The following ZNF804B variants were observed in gnomAD, a reference collection of about 807,000 sequenced individuals.
ZNF804B encodes zinc finger 804B.
A neutral mutation model predicts 101.4 loss-of-function variants in ZNF804B; 80 were observed. The ratio of observed to expected loss-of-function variants is 0.79; its 90% confidence interval spans 0.66 to 0.95. The LOEUF is 0.95. Among genes scored for constraint, ZNF804B ranks in the 40% least tolerant of loss-of-function variants. The pLI is 0.00. For missense variants in ZNF804B, 1,673 were observed against 1,561.9 expected, an observed-to-expected ratio of 1.07 and a Z score of -1.20; for synonymous variants, 622 against 558.8, an observed-to-expected ratio of 1.11 and a Z score of -1.59.
chr7:89,065,796 T>G (rs2116288762), intron 1 of ZNF804B, among the ~76,000 whole-genome samples: 1 of 152,218 alleles, frequency 6.6e-6, no homozygotes, highest in South Asian at 2.1e-4. Flanking sequence ...AACCTTTTAC[T>G]TCCATCTTCG....
intron 1 of ZNF804B, among the ~76,000 whole-genome samples, chr7:88,834,596 A>G (rs757956786): frequency 1.5e-4 from 22 of 151,682 alleles, no homozygotes; most frequent in Non-Finnish European, 2.8e-4. Flanking sequence ...GATTGGCGTG[A>G]TGGTATTATG....
At chr7:89,256,743 G>T (rs1789637124) in intron 2 of ZNF804B, among the ~76,000 whole-genome samples, 1 of 152,072 alleles carries the variant, frequency 6.6e-6, no homozygotes, top group African/African-American at 2.4e-5. Flanking sequence ...CTTGCTCATA[G>T]GTGGAAAAAT....
intron 2 of ZNF804B, among the ~76,000 whole-genome samples, chr7:89,317,779 A>C (rs38953): frequency 0.29 from 44,690 of 152,034 alleles, 8,029 homozygotes; most frequent in East Asian, 0.7. Context: ...CACCAGAACA[A>C]CCCAAAACTC....
intron 1 of ZNF804B, among the ~76,000 whole-genome samples, chr7:89,087,299 G>T (rs1254054024): frequency 6.6e-6 from 1 of 151,562 alleles, no homozygotes; most frequent in Non-Finnish European, 1.5e-5. Flanking sequence ...CAAAATGGTT[G>T]TGTGACTCTA....
intron 1 of ZNF804B, among the ~76,000 whole-genome samples, chr7:89,095,229 T>G (rs1426251082): frequency 6.6e-6 from 1 of 152,156 alleles, no homozygotes; most frequent in African/African-American, 2.4e-5. Context: ...TTCCACCGTG[T>G]GAGGACACAG....
chr7:89,218,908 G>A (rs190387200), intron 2 of ZNF804B, among the ~76,000 whole-genome samples: 39 of 152,224 alleles, frequency 2.6e-4, no homozygotes, highest in Non-Finnish European at 4.7e-4. Flanking sequence ...AGAGAAAGAG[G>A]AGGAGTTGGT....
chr7:89,217,239 G>A (rs1373770770), intron 1 of ZNF804B, among the ~76,000 whole-genome samples: 1 of 152,204 alleles, frequency 6.6e-6, no homozygotes, highest in African/African-American at 2.4e-5. Flanking sequence ...AAGGTAAGAA[G>A]TTTTTCTGGT....
intron 1 of ZNF804B, among the ~76,000 whole-genome samples, chr7:88,844,827 CA>C (rs1456992307): frequency 9.2e-5 from 14 of 152,164 alleles, no homozygotes; most frequent in African/African-American, 3.4e-4. Context: ...TGGTTTAACA[CA>C]TAATTTTGAG....
intron 2 of ZNF804B, among the ~76,000 whole-genome samples, chr7:89,239,973 A>T (rs1022529469): frequency 6.6e-6 from 1 of 151,852 alleles, no homozygotes; most frequent in East Asian, 1.9e-4. Flanking sequence ...ATGGTATCTA[A>T]CTTCTCAATT....
chr7:88,776,555 G>GTTTTTTTGTT (rs10630362), intron 1 of ZNF804B, among the ~76,000 whole-genome samples: 1 of 106,456 alleles, frequency 9.4e-6, no homozygotes, highest in African/African-American at 3.3e-5. Context: ...TTCTCGTGGT[G>GTTTTTTTGTT]TTTTGTTTTT....
chr7:89,156,032 CTTTCTTTCTTTCTTTCTT>C (rs2116412652), intron 1 of ZNF804B, among the ~76,000 whole-genome samples: 1 of 52,134 alleles, frequency 1.9e-5, no homozygotes, highest in South Asian at 6.8e-4. Flanking sequence ...TTCTTTCTTT[CTTTCTTTCTTTCTTTCTT>C]TCTTTCTTTC....
At chr7:89,011,936 T>G (rs187056366) in intron 1 of ZNF804B, among the ~76,000 whole-genome samples, 73 of 152,210 alleles carry the variant, frequency 4.8e-4, no homozygotes, top group African/African-American at 1.7e-3. Context: ...AACCCTACAT[T>G]TTCCCTCTGC....
chr7:88,991,459 G>T (rs189061567), intron 1 of ZNF804B, among the ~76,000 whole-genome samples: 1 of 152,280 alleles, frequency 6.6e-6, no homozygotes, highest in Non-Finnish European at 1.5e-5. Context: ...ACTCTGTGAC[G>T]CTCTGGAGGG....
chr7:89,152,058 A>G (rs984670913), intron 1 of ZNF804B, among the ~76,000 whole-genome samples: 1 of 152,142 alleles, frequency 6.6e-6, no homozygotes, highest in Non-Finnish European at 1.5e-5. Flanking sequence ...TAGCAGAACT[A>G]TCAGTGTTAA....
At chr7:89,207,383 A>G (rs557535114) in intron 1 of ZNF804B, among the ~76,000 whole-genome samples, 1 of 152,298 alleles carries the variant, frequency 6.6e-6, no homozygotes, top group East Asian at 1.9e-4. Flanking sequence ...GCAAGAGGGC[A>G]TGTTCAGGGG....
chr7:89,174,580 C>T (rs6959447), intron 1 of ZNF804B, among the ~76,000 whole-genome samples: 61,837 of 151,778 alleles, frequency 0.41, 13,168 homozygotes, highest in Non-Finnish European at 0.47. Flanking sequence ...ATCTCTTCAA[C>T]ATACTCATTT....
At chr7:89,261,976 G>A (rs753817749) in intron 2 of ZNF804B, among the ~76,000 whole-genome samples, 20 of 152,092 alleles carry the variant, frequency 1.3e-4, no homozygotes, top group Admixed American at 2.0e-4. Context: ...GCTTGTATTT[G>A]TTTTTATGTT....
At chr7:89,059,472 TA>T (rs2116279059) in intron 1 of ZNF804B, among the ~76,000 whole-genome samples, 1 of 152,056 alleles carries the variant, frequency 6.6e-6, no homozygotes, top group South Asian at 2.1e-4. Flanking sequence ...CTTAGACTCT[TA>T]AACAACCAGA....
chr7:89,298,124 TAA>T (rs1465348311), intron 2 of ZNF804B, among the ~76,000 whole-genome samples: 2 of 22,144 alleles, frequency 9.0e-5, no homozygotes, highest in African/African-American at 4.9e-4. Context: ...CTATTTCATA[TAA>T]ATATATATAT....
Sources: allele counts gnomAD v4.1 joint callset (sites outside exome capture counted in the v4.1 genomes callset), GRCh38; gene constraint gnomAD v4.1.1; transcripts MANE v1.5; gene names NCBI Gene and HGNC (gene_info 2026-07-23, HGNC 2026-07-21).